Variants in PCDH1 observed in about 807,000 individuals in gnomAD.
PCDH1 encodes the protein protocadherin-1.
In PCDH1, 23 loss-of-function variants were observed where a neutral mutation model predicts 74.6. The ratio of observed to expected loss-of-function variants is 0.31; its 90% CI spans 0.22 to 0.44. The LOEUF is 0.44. Ranked by LOEUF, PCDH1 falls within the 20% of genes least tolerant of loss-of-function variation. The pLI is 1.00. For missense variants in PCDH1, 1,214 were observed against 1,641.4 expected (o/e 0.74, Z 4.50); for synonymous variants, 647 against 686.1 (o/e 0.94, Z 0.89).
chr5:141,869,122 C>T lies in PCDH1; in HGVS notation c.350G>A (p.Arg117His), dbSNP rs372303891. 3.1e-6 allele frequency: 5 copies of T among 1,613,872 alleles called. No individual in the cohort carries two copies. Among genetic ancestry groups the T allele is most frequent in the East Asian group, 2.2e-5 (1 of 44,846 alleles). The change falls in exon 2 of 5, where the codon CGT becomes CAT. Residue 117 changes from arginine to histidine, a missense_variant. This residue lies in a region of PCDH1 where 97 missense variants were observed against 173.2 expected (regional missense o/e 0.56). Transcript: ENST00000287008. This position sits in a 1 kb window ranked among gnomAD's most constrained non-coding sequence, Gnocchi z 4.9. ...GTTCTGGCATTCACGGAGCCCCTCA[C>T]GGTCGATGGAGGTCTCGGTGGTGAA... ...DIFTTETSIDREGLRECQNQL... is the reference protein window; with the variant it reads ...DIFTTETSIDHEGLRECQNQL...
rs113664075 is a variant in PCDH1 at position 141,863,025 on chromosome 5, A to G, written c.3099+207T>C. ...GGAGAGGGCAGGGAGGAGACCACAG[A>G]GCACACCCTCCCTTAATCTTCACTC... On this transcript the variant is annotated intron_variant, in intron 3 of 4. Transcript: ENST00000287008. The surrounding 1 kb of genome is among the most constrained non-coding windows in gnomAD (Gnocchi z 7.5). 1,727 of 1,301,594 alleles carry G rather than the reference A, an allele frequency of 1.3e-3. 22 individuals are homozygous for G. In the African/African-American group the frequency reaches 0.023, roughly 17 times the overall value. The allele number at this position is 1,301,594 out of a possible 1,614,324, so 80.6% of individuals were successfully genotyped here.
chr5:141,853,994 G>A lies in PCDH1; in HGVS notation c.*48C>T. 1 of 1,448,206 alleles carries A rather than the reference G, an allele frequency of 6.9e-7. No homozygotes were observed. The allele number at this position is 1,448,206 out of a possible 1,614,324, so 89.7% of individuals were successfully genotyped here. On this transcript the variant is annotated 3_prime_UTR_variant, in exon 5 of 5. Transcript: ENST00000287008. ...TGAGGCCCTGGAATGGGCCATTTGG[G>A]AGCTGGCCGGCGGCTGGGGGAGGGG...
At chr5:141,860,678 G>C (rs1752529773) in intron 3 of PCDH1, among the ~76,000 whole-genome samples, 1 of 152,124 alleles carries the variant, frequency 6.6e-6, no homozygotes, top group South Asian at 2.1e-4. Flanking sequence ...CTTTGTGTTT[G>C]AATTTGGCTG....
At position 141,854,017 on chromosome 5, in the gene PCDH1, G is replaced by A. The variant is rs771701878; in HGVS notation, c.*25C>T. 1.4e-6 allele frequency: 2 copies of A among 1,478,394 alleles called. No individual in the cohort carries two copies. The highest frequency in any genetic ancestry group is 1.4e-5 in the African/African-American group (1 of 71,152). The allele number at this position is 1,478,394 out of a possible 1,614,324, so 91.6% of individuals were successfully genotyped here. ...GGGAGCTGGCCGGCGGCTGGGGGAG[G>A]GGGGCCGGCCGGCCAGTAGGGGGCT... On this transcript the variant is annotated 3_prime_UTR_variant, in exon 5 of 5. Transcript: ENST00000287008.
chr5:141,859,254 C>T (rs528446839), intron 3 of PCDH1, among the ~76,000 whole-genome samples: 23 of 152,170 alleles, frequency 1.5e-4, no homozygotes, highest in Non-Finnish European at 3.1e-4. Flanking sequence ...TACTGGCCAG[C>T]AGTCCCACCT....
rs751742122 is a variant in PCDH1 at position 141,863,927 on chromosome 5, G to T, written c.2404C>A (p.Arg802Ser). 6.2e-7 allele frequency: 1 copy of T among 1,614,156 alleles called. No individual in the cohort carries two copies. ...AGATGGACCAAGGCTGTGCCATAGC[G>T]TGGGGGCTTGCCGCGGTCACTGACC... Reference protein sequence around the residue: ...VKVSDRGKPPRYGTALVHLYV... With the variant: ...VKVSDRGKPPSYGTALVHLYV... The change falls in exon 3 of 5, where the codon CGC becomes AGC. Residue 802 changes from arginine (R) to serine (S), a missense_variant. Arg to Ser is a moderately radical substitution (Grantham distance 110, BLOSUM62 -1). Around this residue, in one of 4 missense-constraint regions of PCDH1, gnomAD observed 836 missense variants for 1,182.2 expected, o/e 0.71. Coordinates refer to ENST00000287008, the MANE Select transcript of PCDH1 (RefSeq NM_032420.5). The surrounding 1 kb of genome is among the most constrained non-coding windows in gnomAD (Gnocchi z 7.5).
chr5:141,874,393 G>T (rs982058072), intron 1 of PCDH1, among the ~76,000 whole-genome samples: 2 of 152,160 alleles, frequency 1.3e-5, no homozygotes, highest in Admixed American at 1.3e-4. Flanking sequence ...GCCCTTCCCC[G>T]GGCCCTGGCT....
chr5:141,871,685 A>C (rs141277693), intron 1 of PCDH1, among the ~76,000 whole-genome samples: 2 of 152,214 alleles, frequency 1.3e-5, no homozygotes, highest in Non-Finnish European at 2.9e-5. Context: ...CTTTGCTCCA[A>C]GATGGTGAGC....
At chr5:141,877,724 T>G (rs1344633170) in intron 1 of PCDH1, among the ~76,000 whole-genome samples, 1 of 152,148 alleles carries the variant, frequency 6.6e-6, no homozygotes, top group African/African-American at 2.4e-5. Flanking sequence ...GATGTATGTA[T>G]GTGTGTATAT....
At chr5:141,875,823 G>T (rs1753211829) in intron 1 of PCDH1, among the ~76,000 whole-genome samples, 1 of 152,054 alleles carries the variant, frequency 6.6e-6, no homozygotes, top group Admixed American at 6.5e-5. Context: ...TAGTCTAGTT[G>T]TAATTACAGG....
chr5:141,866,205 C>T (rs746805120), intron 2 of PCDH1: 2 of 985,534 alleles, frequency 2.0e-6, no homozygotes, highest in Non-Finnish European at 2.4e-6. Flanking sequence ...TCAGCAGCAA[C>T]TTCTCCTCCC....
chr5:141,857,223 G>C (rs763237785), intron 4 of PCDH1, 29 bp downstream of exon 4: 18 of 1,512,184 alleles, frequency 1.2e-5, no homozygotes, highest in Non-Finnish European at 1.5e-5. Context: ...TCATTCCTGG[G>C]GTGCCCTGAC....
In PCDH1 at chr5:141,865,579, C is replaced by T. The variant is rs1247449335; in HGVS notation, c.904-152G>A. The T allele has an allele frequency of 1.1e-6, 1 of 902,268 alleles. No homozygotes were observed. The highest frequency in any genetic ancestry group is 1.7e-6 in the Non-Finnish European group (1 of 591,300). 55.9% of individuals were successfully genotyped at this position (902,268 alleles called of 1,614,324 possible). On this transcript the variant is annotated intron_variant, in intron 2 of 4. Coordinates refer to ENST00000287008, the MANE Select transcript of PCDH1 (RefSeq NM_032420.5). This position sits in a 1 kb window ranked among gnomAD's most constrained non-coding sequence, Gnocchi z 4.4. ...CTCCCTTTCCAGAAGCCATGTGTGT[C>T]CTGCCTTTTCCCAATTCGGACATTC...
In PCDH1 at chr5:141,878,273, C is replaced by A; in HGVS notation, c.-11G>T. ...CGCCCCGCTGTCCATGAGCCGCCGC[C>A]GGCCCCGGCCTGGGCTGCGGCTCCG... On this transcript the variant is annotated 5_prime_UTR_variant, in exon 1 of 5. Coordinates refer to ENST00000287008, the MANE Select transcript of PCDH1 (RefSeq NM_032420.5). The surrounding 1 kb of genome is among the most constrained non-coding windows in gnomAD (Gnocchi z 5.5). 1 of 1,290,368 alleles carries A rather than the reference C, an allele frequency of 7.7e-7. No individual in the cohort carries two copies. 79.9% of individuals were successfully genotyped at this position (1,290,368 alleles called of 1,614,324 possible). A position where few individuals can be genotyped will look rare whatever the true frequency, so the allele number is the denominator to read the frequency against.
rs1220519711 is a variant in PCDH1, at chr5:141,869,271, T to C, written c.201A>G (p.Glu67=). 1.2e-6 allele frequency: 2 copies of C among 1,610,634 alleles called. No homozygotes were observed. Among genetic ancestry groups the C allele is most frequent in the Admixed American group, 1.7e-5 (1 of 59,538 alleles). The stretch of plus-strand genomic sequence containing the variant: ...TCCCAATGAGGGTGTTGGGTGGCTG[T>C]TCCTCCGGCACCTTGTACACTACCC... ...ATRVVYKVPE[E]QPPNTLIGSL... The change falls in exon 2 of 5, where the codon GAA becomes GAG. Residue 67 remains glutamate (E), a synonymous_variant. Coordinates refer to ENST00000287008, the MANE Select transcript of PCDH1 (RefSeq NM_032420.5). The surrounding 1 kb of genome is among the most constrained non-coding windows in gnomAD (Gnocchi z 4.9).
chr5:141,860,021 C>G (rs1446739667), intron 3 of PCDH1, among the ~76,000 whole-genome samples: 1 of 152,140 alleles, frequency 6.6e-6, no homozygotes. Context: ...TGGTTCACTT[C>G]TGCCGCAGGA....
chr5:141,877,803 C>A (rs1373471623), intron 1 of PCDH1, among the ~76,000 whole-genome samples: 1 of 152,180 alleles, frequency 6.6e-6, no homozygotes, highest in East Asian at 1.9e-4. Flanking sequence ...GAGGTAGTTG[C>A]CCAACAAGTG....
intron 1 of PCDH1, among the ~76,000 whole-genome samples, chr5:141,877,558 C>T (rs1183244393): frequency 6.6e-6 from 1 of 152,094 alleles, no homozygotes; most frequent in Non-Finnish European, 1.5e-5. Flanking sequence ...GTCCACGTCG[C>T]GGGGTGTCAC....
intron 4 of PCDH1, among the ~76,000 whole-genome samples, chr5:141,855,495 A>G (rs771235290): frequency 1.3e-5 from 2 of 151,942 alleles, no homozygotes; most frequent in Non-Finnish European, 2.9e-5. Flanking sequence ...TCTCCCTCTC[A>G]CACACACAGA....
Sources: gnomAD v4.1 joint callset for allele counts (sites outside exome capture counted in the v4.1 genomes callset) on GRCh38, gnomAD v4.1.1 for gene constraint, gnomAD v4.1.1 regional missense constraint, Gnocchi (gnomAD v3.1) non-coding constraint, MANE v1.5 for transcripts, NCBI Gene and HGNC (gene_info 2026-07-23, HGNC 2026-07-21) for gene names.